The following CYP51A1 variants were observed in gnomAD, a reference collection of about 807,000 sequenced individuals.
CYP51A1 encodes cytochrome P450 family 51 subfamily A member 1.
A neutral mutation model predicts 53.5 loss-of-function variants in CYP51A1; 45 were observed. That is an observed-to-expected ratio of 0.84 (90% CI 0.66 to 1.08). CYP51A1 has a LOEUF of 1.08. Ranked by LOEUF, CYP51A1 falls within the 50% of genes least tolerant of loss-of-function variation. CYP51A1 has a pLI of 0.00. For synonymous variants in CYP51A1, 181 were observed against 217.7 expected (o/e 0.83, Z 1.48); for missense variants, 462 against 621.7 (o/e 0.74, Z 2.73).
Position 92,113,581 on chromosome 7 carries a change from G to A in CYP51A1, c.*84C>T. 7.9e-7 allele frequency: 1 copy of A among 1,271,084 alleles called. No homozygotes were observed. Among genetic ancestry groups the A allele is most frequent in the Non-Finnish European group, 1.1e-6 (1 of 901,004 alleles). 78.7% of individuals were successfully genotyped at this position (1,271,084 alleles called of 1,614,324 possible). ...CACTTAAAAAAACAGTAAACTACAA[G>A]AGTTGTTTTGTACACTTCATTCTCT... On this transcript the variant is annotated 3_prime_UTR_variant, in exon 10 of 10. Transcript: ENST00000003100.
At chr7:92,120,949 A>T (rs1819679468) in intron 7 of CYP51A1, among the ~76,000 whole-genome samples, 1 of 152,190 alleles carries the variant, frequency 6.6e-6, no homozygotes, top group South Asian at 2.1e-4. Context: ...CAAAGAACAC[A>T]TCATAAGACA....
At position 92,122,569 on chromosome 7, in the gene CYP51A1, T is replaced by C. The variant is rs375042631; in HGVS notation, c.1086+551A>G. On this transcript the variant is annotated intron_variant, in intron 7 of 9. Transcript: ENST00000003100. Reference sequence around the variant, plus strand: ...ATCAGTGTAATGTGCCATATTAATATAGGACCAAAAGCACAAAAGATAACA... The same window carrying C: ...ATCAGTGTAATGTGCCATATTAATACAGGACCAAAAGCACAAAAGATAACA... 3.9e-5 allele frequency among the ~76,000 whole-genome samples: 6 copies of C among 152,326 alleles called. No individual in the cohort carries two copies. In the South Asian group the frequency reaches 6.2e-4, roughly 16 times the overall value.
intron 2 of CYP51A1, among the ~76,000 whole-genome samples, chr7:92,130,236 C>T (rs534682143): frequency 1.3e-5 from 2 of 152,238 alleles, no homozygotes; most frequent in African/African-American, 4.8e-5. Flanking sequence ...TGACTTTGGT[C>T]CTATAGTCAG....
upstream of CYP51A1, chr7:92,134,643 T>A (rs1820009085): frequency 2.4e-6 from 1 of 423,580 alleles, no homozygotes; most frequent in African/African-American, 2.1e-5. Context: ...GGCACAGTGG[T>A]ACGGGGCCGG....
rs370927697 is a variant in CYP51A1 at position 92,123,086 on chromosome 7, T to C, written c.1086+34A>G. 3 of 1,541,634 alleles carry C rather than the reference T, an allele frequency of 1.9e-6. No individual in the cohort carries two copies. In the African/African-American group the frequency reaches 4.1e-5, roughly 21 times the overall value. On this transcript the variant is annotated intron_variant, in intron 7 of 9. Transcript: ENST00000003100. The stretch of plus-strand genomic sequence containing the variant: ...AATTAGCCACAGATCCTCAAAGTCA[T>C]AAGGCAGCAATGAAACTGAAAAATC...
chr7:92,131,567 C>T (rs538440947), intron 2 of CYP51A1, among the ~76,000 whole-genome samples: 79 of 152,228 alleles, frequency 5.2e-4, no homozygotes, highest in African/African-American at 1.7e-3. Flanking sequence ...GTCTCAAAGA[C>T]GACCCCAGGA....
intron 4 of CYP51A1, 59 bp from the exon 5 acceptor site, chr7:92,126,486 G>C: frequency 7.0e-7 from 1 of 1,427,920 alleles, no homozygotes; most frequent in Non-Finnish European, 9.4e-7. Flanking sequence ...AGAAAATTGA[G>C]AATTAAAAAC....
intron 6 of CYP51A1, 112 bp from the exon 7 acceptor site, chr7:92,123,427 A>T (rs1408690044): frequency 1.1e-6 from 1 of 947,166 alleles, no homozygotes; most frequent in Non-Finnish European, 1.6e-6. Context: ...GTGGTCTCTT[A>T]TATTTGACTA....
At position 92,134,473 on chromosome 7, in the gene CYP51A1, C is replaced by G; in HGVS notation, c.-109G>C. ...CACAGGGGGCCTTGCCCCAGGTCTC[C>G]TACTAAACCCAGCCCCACCCCTCGG... On this transcript the variant is annotated 5_prime_UTR_variant, in exon 1 of 10. Coordinates refer to ENST00000003100, the MANE Select transcript of CYP51A1 (RefSeq NM_000786.4). The G allele has an allele frequency of 1.6e-6, 2 of 1,222,162 alleles. No individual in the cohort carries two copies. Among genetic ancestry groups the G allele is most frequent in the Non-Finnish European group, 2.2e-6 (2 of 898,900 alleles). 75.7% of individuals were successfully genotyped at this position (1,222,162 alleles called of 1,614,324 possible). A position where few individuals can be genotyped will look rare whatever the true frequency, so the allele number is the denominator to read the frequency against.
intron 1 of CYP51A1, among the ~76,000 whole-genome samples, chr7:92,133,647 T>A (rs1819970600): frequency 6.6e-6 from 1 of 152,090 alleles, no homozygotes; most frequent in Admixed American, 6.5e-5. Flanking sequence ...CTACACATCC[T>A]CCTTAATATG....
At chr7:92,127,991 T>A (rs149041323) in intron 3 of CYP51A1, among the ~76,000 whole-genome samples, 1 of 152,200 alleles carries the variant, frequency 6.6e-6, no homozygotes, top group Admixed American at 6.5e-5. Flanking sequence ...ATACCAAGCA[T>A]TGGGGCCAAT....
chr7:92,131,979 A>C, intron 1 of CYP51A1, 107 bp from the exon 2 acceptor site: 1 of 577,198 alleles, frequency 1.7e-6, no homozygotes. Flanking sequence ...TAAGACTTCA[A>C]AAAAAAGTTA....
chr7:92,127,600 C>T lies in CYP51A1; in HGVS notation c.500G>A (p.Ser167Asn). The T allele has an allele frequency of 1.2e-6, 2 of 1,613,510 alleles. No homozygotes were observed. The highest frequency in any genetic ancestry group is 1.7e-6 in the Non-Finnish European group (2 of 1,179,738). ...TTTAAAGTGGGCTATGTTAAGGCCACTTTTTAACATTTTCTTCTGCTCCAA... is the reference window on the plus strand; with the variant it reads ...TTTAAAGTGGGCTATGTTAAGGCCATTTTTTAACATTTTCTTCTGCTCCAA... ...VFLEQKKMLK[S>N]GLNIAHFKQH... is the part of the protein sequence containing the mutation. Residue 167 changes from serine (S) to asparagine (N), a missense_variant, in exon 4 of 10, where the codon AGT (serine) becomes AAT (asparagine). Transcript: ENST00000003100.
At chr7:92,131,163 G>A (rs1267361267) in intron 2 of CYP51A1, among the ~76,000 whole-genome samples, 2 of 152,306 alleles carry the variant, frequency 1.3e-5, no homozygotes, top group East Asian at 1.9e-4. Flanking sequence ...GATCCAATGA[G>A]GTCAAAGAAT....
rs772499331 is a variant in CYP51A1, at chr7:92,127,547, T to C, written c.553A>G (p.Thr185Ala). The C allele has an allele frequency of 3.0e-5, 48 of 1,612,476 alleles. No individual in the cohort carries two copies. The highest frequency in any genetic ancestry group is 4.1e-5 in the Non-Finnish European group (48 of 1,179,392). ...CCCCAACTCTCAAAGTATTCCTTTGTTTCTTTTTCAATTATAGAAACATGC... is the reference window on the plus strand; with the variant it reads ...CCCCAACTCTCAAAGTATTCCTTTGCTTCTTTTTCAATTATAGAAACATGC... ...KQHVSIIEKETKEYFESWGES... is the reference protein window; with the variant it reads ...KQHVSIIEKEAKEYFESWGES... The change falls in exon 4 of 10, where the codon ACA becomes GCA. Residue 185 changes from threonine to alanine, a missense_variant. Physicochemically the swap from Thr to Ala is moderately conservative, Grantham distance 58 (BLOSUM62 0). Transcript: ENST00000003100.
chr7:92,122,627 A>G (rs943029177), intron 7 of CYP51A1, among the ~76,000 whole-genome samples: 1 of 152,220 alleles, frequency 6.6e-6, no homozygotes, highest in Non-Finnish European at 1.5e-5. Flanking sequence ...TGCTTCCAAG[A>G]TGGAATGTCA....
intron 7 of CYP51A1, 98 bp downstream of exon 7, chr7:92,123,022 G>T: frequency 1.1e-6 from 1 of 871,504 alleles, no homozygotes; most frequent in Non-Finnish European, 1.8e-6. Flanking sequence ...ATCAATTTAA[G>T]CTATAGTATA....
At chr7:92,118,433 T>A (rs1441532801) in intron 8 of CYP51A1, 87 bp downstream of exon 8, 1 of 798,498 alleles carries the variant, frequency 1.3e-6, no homozygotes, top group Non-Finnish European at 2.2e-6. Flanking sequence ...GTGTTGAGAT[T>A]ACAGGTGTGA....
intron 7 of CYP51A1, among the ~76,000 whole-genome samples, chr7:92,120,944 AAC>A (rs1819679331): frequency 6.6e-6 from 1 of 152,184 alleles, no homozygotes; most frequent in African/African-American, 2.4e-5. Context: ...AAAGCCAAAG[AAC>A]ACATCATAAG....
Sources: allele counts gnomAD v4.1 joint callset (sites outside exome capture counted in the v4.1 genomes callset), GRCh38; gene constraint gnomAD v4.1.1; transcripts MANE v1.5; gene names NCBI Gene and HGNC (gene_info 2026-07-23, HGNC 2026-07-21).